RBFOX1: variants seen among roughly 807,000 people sequenced by gnomAD.
The protein encoded by RBFOX1 is RNA binding fox-1 homolog 1, also known as RNA binding protein fox-1 homolog 1.
RBFOX1 carries 8 observed loss-of-function variants against 57.7 expected under a neutral mutation model. That is an observed-to-expected ratio of 0.14 (90% CI 0.08 to 0.25). The LOEUF is 0.25. Among genes scored for constraint, RBFOX1 ranks in the 10% least tolerant of loss-of-function variants. RBFOX1 has a pLI of 1.00. For synonymous variants in RBFOX1, 326 were observed against 222.4 expected (o/e 1.47, Z -4.15); for missense variants, 611 against 548.5 (o/e 1.11, Z -1.14).
chr16:5,378,355 C>T (rs1347801797), intron 1 of RBFOX1, among the ~76,000 whole-genome samples: 1 of 151,532 alleles, frequency 6.6e-6, no homozygotes. Context: ...TCTCCAACAC[C>T]TGCATCCATA....
chr16:6,103,405 C>T (rs569626247), intron 1 of RBFOX1, among the ~76,000 whole-genome samples: 11 of 152,106 alleles, frequency 7.2e-5, no homozygotes, highest in South Asian at 6.2e-4. Context: ...TGATGTATCA[C>T]GGTCACACAA....
chr16:6,540,352 A>G (rs988195610), intron 2 of RBFOX1, among the ~76,000 whole-genome samples: 1 of 151,370 alleles, frequency 6.6e-6, no homozygotes, highest in Non-Finnish European at 1.5e-5. Flanking sequence ...GGTGGCTCAC[A>G]CTTGTAATCC....
At chr16:7,477,016 T>A (rs2062860309) in intron 4 of RBFOX1, among the ~76,000 whole-genome samples, 1 of 152,196 alleles carries the variant, frequency 6.6e-6, no homozygotes, top group East Asian at 1.9e-4. Flanking sequence ...GAAGTGTACC[T>A]AACACTTGCT....
At chr16:6,646,304 C>T (rs563169727) in intron 2 of RBFOX1, among the ~76,000 whole-genome samples, 2 of 152,096 alleles carry the variant, frequency 1.3e-5, no homozygotes, top group Middle Eastern at 3.2e-3. Context: ...AATGCAGTCC[C>T]CTGGGGCGCC....
At chr16:5,788,231 G>A (rs546678193) in intron 3 of RBFOX1, among the ~76,000 whole-genome samples, 7 of 152,212 alleles carry the variant, frequency 4.6e-5, no homozygotes, top group African/African-American at 1.7e-4. Flanking sequence ...ATGGAGAGAA[G>A]AAATGACAGC....
chr16:6,449,558 T>G (rs2094549549), intron 2 of RBFOX1, among the ~76,000 whole-genome samples: 1 of 152,214 alleles, frequency 6.6e-6, no homozygotes, highest in African/African-American at 2.4e-5. Context: ...TCGGAGGATT[T>G]ATTCCCCTTT....
At chr16:5,413,277 A>G (rs1374933991) in intron 1 of RBFOX1, among the ~76,000 whole-genome samples, 1 of 152,210 alleles carries the variant, frequency 6.6e-6, no homozygotes, top group Non-Finnish European at 1.5e-5. Flanking sequence ...AGGCATCCAC[A>G]GCATTCTCCA....
chr16:6,356,842 A>T (rs775024032), intron 2 of RBFOX1, among the ~76,000 whole-genome samples: 1 of 152,202 alleles, frequency 6.6e-6, no homozygotes, highest in Non-Finnish European at 1.5e-5. Context: ...ATACTAGGGA[A>T]AGTGAGTGTG....
chr16:6,053,081 G>T (rs2095573069), intron 1 of RBFOX1, among the ~76,000 whole-genome samples: 1 of 152,096 alleles, frequency 6.6e-6, no homozygotes, highest in Non-Finnish European at 1.5e-5. Flanking sequence ...CAGGGGAAGG[G>T]TCTCATCTTA....
chr16:6,705,509 T>C (rs1026519015), intron 3 of RBFOX1: 1 of 152,156 alleles, frequency 6.6e-6, no homozygotes, highest in Non-Finnish European at 1.5e-5. Flanking sequence ...CCAGCAGCAA[T>C]GAGCATGCCT....
chr16:5,972,860 T>G (rs1043110153), intron 4 of RBFOX1, among the ~76,000 whole-genome samples: 14 of 152,316 alleles, frequency 9.2e-5, no homozygotes, highest in African/African-American at 3.4e-4. Flanking sequence ...AATCTTGTCT[T>G]CAAGATCAGC....
intron 3 of RBFOX1, among the ~76,000 whole-genome samples, chr16:6,792,048 C>A (rs115786398): frequency 6.6e-6 from 1 of 152,014 alleles, no homozygotes; most frequent in African/African-American, 2.4e-5. Context: ...CCCTGAATTG[C>A]GTTTCACGAA....
At chr16:6,871,472 C>T (rs142657254) in intron 3 of RBFOX1, among the ~76,000 whole-genome samples, 1 of 152,132 alleles carries the variant, frequency 6.6e-6, no homozygotes. Flanking sequence ...AGGTGTGAGC[C>T]ACCGTGCCCG....
intron 3 of RBFOX1, among the ~76,000 whole-genome samples, chr16:7,004,881 G>C (rs1469754221): frequency 2.0e-5 from 3 of 152,120 alleles, no homozygotes; most frequent in South Asian, 4.1e-4. Flanking sequence ...CAGGTGAGGT[G>C]ACTCACACCT....
At chr16:7,268,878 A>G (rs553270971) in intron 4 of RBFOX1, among the ~76,000 whole-genome samples, 54 of 152,006 alleles carry the variant, frequency 3.6e-4, no homozygotes, top group African/African-American at 1.2e-3. Context: ...CTCTACTAAA[A>G]ATACAAAAAT....
At chr16:5,533,547 C>T (rs1157572193) in intron 2 of RBFOX1, among the ~76,000 whole-genome samples, 1 of 152,096 alleles carries the variant, frequency 6.6e-6, no homozygotes, top group African/African-American at 2.4e-5. Flanking sequence ...GAGCAGACTC[C>T]GTGACAACTT....
chr16:6,631,129 A>C (rs993094655), intron 2 of RBFOX1, among the ~76,000 whole-genome samples: 2 of 152,104 alleles, frequency 1.3e-5, no homozygotes, highest in Non-Finnish European at 2.9e-5. Flanking sequence ...CTAACATGAA[A>C]AGGCAGATAG....
chr16:5,807,089 G>C (rs564521842), intron 3 of RBFOX1, among the ~76,000 whole-genome samples: 1 of 152,320 alleles, frequency 6.6e-6, no homozygotes, highest in African/African-American at 2.4e-5. Flanking sequence ...TCAGGCTTTG[G>C]TGTGAAATGT....
intron 3 of RBFOX1, among the ~76,000 whole-genome samples, chr16:6,877,698 T>C (rs916717742): frequency 1.3e-5 from 2 of 152,142 alleles, no homozygotes; most frequent in African/African-American, 4.8e-5. Flanking sequence ...CTGTGTATAG[T>C]GAGAAAATAG....
Sources: gnomAD v4.1 joint callset for allele counts (sites outside exome capture counted in the v4.1 genomes callset) on GRCh38, gnomAD v4.1.1 for gene constraint, MANE v1.5 for transcripts, NCBI Gene and HGNC (gene_info 2026-07-23, HGNC 2026-07-21) for gene names.